The following PPP1R2 variants were observed in gnomAD, a reference collection of about 807,000 sequenced individuals.
The protein encoded by PPP1R2 is protein phosphatase inhibitor 2.
PPP1R2 carries 16 observed loss-of-function variants against 29.9 expected under a neutral mutation model. The ratio of observed to expected loss-of-function variants is 0.53; its 90% confidence interval spans 0.36 to 0.81. PPP1R2 has a LOEUF of 0.81. PPP1R2 is among the 30% of genes least tolerant of loss of function. PPP1R2 has a pLI of 0.00. For synonymous variants in PPP1R2, 76 were observed against 91.5 expected (o/e 0.83, Z 0.96); for missense variants, 197 against 252.7 (o/e 0.78, Z 1.49).
At chr3:195,523,896 A>G in intron 3 of PPP1R2, 110 bp from the exon 4 acceptor site, 1 of 901,566 alleles carries the variant, frequency 1.1e-6, no homozygotes, top group Non-Finnish European at 1.8e-6. Context: ...TTAATGTGCT[A>G]GCTATAACCT....
At chr3:195,542,647 C>T (rs965534895) in intron 1 of PPP1R2, among the ~76,000 whole-genome samples, 1 of 152,042 alleles carries the variant, frequency 6.6e-6, no homozygotes, top group African/African-American at 2.4e-5. Context: ...CTTTGATGTT[C>T]CCGATTACAG....
chr3:195,519,931 A>C (rs916148461), intron 4 of PPP1R2, among the ~76,000 whole-genome samples: 52 of 136,798 alleles, frequency 3.8e-4, no homozygotes, highest in African/African-American at 1.3e-3. Flanking sequence ...AAAAAAAAAA[A>C]ACAACAGAAA....
intron 4 of PPP1R2, among the ~76,000 whole-genome samples, chr3:195,520,659 A>T (rs1718721858): frequency 6.6e-6 from 1 of 152,102 alleles, no homozygotes; most frequent in Non-Finnish European, 1.5e-5. Flanking sequence ...TCTCTCAATA[A>T]GGGTATTTAC....
At chr3:195,516,997 C>T in intron 5 of PPP1R2, 55 bp from the exon 6 acceptor site, 5 of 1,424,172 alleles carry the variant, frequency 3.5e-6, no homozygotes, top group Non-Finnish European at 5.0e-6. Context: ...TCAACCCTGG[C>T]TAAAGTTCCC....
chr3:195,524,172 G>T (rs374851051), intron 3 of PPP1R2, among the ~76,000 whole-genome samples: 4 of 152,132 alleles, frequency 2.6e-5, no homozygotes, highest in African/African-American at 7.2e-5. Flanking sequence ...AGTAGCAAAG[G>T]AAGAGTGCTT....
chr3:195,523,904 C>T, intron 3 of PPP1R2, 118 bp from the exon 4 acceptor site: 1 of 852,316 alleles, frequency 1.2e-6, no homozygotes, highest in South Asian at 1.5e-5. Context: ...CTAGCTATAA[C>T]CTGATGAGGA....
intron 5 of PPP1R2, 110 bp downstream of exon 5, chr3:195,518,908 G>A (rs1244383935): frequency 8.0e-6 from 12 of 1,503,372 alleles, no homozygotes; most frequent in Non-Finnish European, 9.8e-6. Flanking sequence ...ATAATAAAGC[G>A]AATCTCAGCA....
intron 4 of PPP1R2, among the ~76,000 whole-genome samples, chr3:195,522,834 C>G (rs1718813736): frequency 6.6e-6 from 1 of 152,196 alleles, no homozygotes; most frequent in Admixed American, 6.5e-5. Context: ...CTTCACGGTA[C>G]AGGAGGTAGT....
intron 1 of PPP1R2, among the ~76,000 whole-genome samples, chr3:195,532,302 C>T (rs1719215945): frequency 6.7e-6 from 1 of 149,924 alleles, no homozygotes; most frequent in Admixed American, 6.7e-5. Flanking sequence ...TCCCCTGCCT[C>T]AGCCTCCCAA....
In PPP1R2 at chr3:195,516,935, AGTAGATCCTGC is replaced by A; in HGVS notation, c.572-4_578del. The A allele has an allele frequency of 6.2e-7, 1 of 1,612,414 alleles. No individual in the cohort carries two copies. The highest frequency in any genetic ancestry group is 8.5e-7 in the Non-Finnish European group (1 of 1,178,646). ...ATTTGTTTTGCTGTTGGTCACTTGG[AGTAGATCCTGC>A]AAAGATAAAAGAAAAAGTCAACATA... On this transcript the variant is annotated splice_acceptor_variant and splice_polypyrimidine_tract_variant and coding_sequence_variant and intron_variant, in exon 6 of 6. Transcript: ENST00000618156. LOFTEE classifies it high-confidence loss of function.
At chr3:195,535,928 T>C (rs1192545741) in intron 1 of PPP1R2, among the ~76,000 whole-genome samples, 1 of 152,148 alleles carries the variant, frequency 6.6e-6, no homozygotes, top group Non-Finnish European at 1.5e-5. Context: ...ATCGCCTTTA[T>C]CACCCAAGAC....
At chr3:195,521,314 C>CAAAAAAA (rs869228346) in intron 4 of PPP1R2, among the ~76,000 whole-genome samples, 12 of 56,642 alleles carry the variant, frequency 2.1e-4, no homozygotes, top group East Asian at 1.1e-3. Context: ...GACTCTGTCT[C>CAAAAAAA]AAAAAAAAAA....
intron 4 of PPP1R2, 42 bp from the exon 5 acceptor site, chr3:195,519,227 G>A (rs1718665968): frequency 2.1e-6 from 3 of 1,424,286 alleles, no homozygotes; most frequent in Non-Finnish European, 9.7e-7. Flanking sequence ...TTGAGCTCAA[G>A]GATTGGCCCA....
At chr3:195,524,590 G>C (rs1284449026) in intron 3 of PPP1R2, among the ~76,000 whole-genome samples, 2 of 152,094 alleles carry the variant, frequency 1.3e-5, no homozygotes, top group African/African-American at 4.8e-5. Flanking sequence ...AGGTACGCTG[G>C]TCTTCCTGCC....
At position 195,518,046 on chromosome 3, in the gene PPP1R2, G is replaced by A. The variant is rs75014571; in HGVS notation, c.571+972C>T. On this transcript the variant is annotated intron_variant, in intron 5 of 5. Transcript: ENST00000618156. Reference sequence around the variant, plus strand: ...GGGCACCACAAATAACATCAGTTACGCCTCCACTGAAAAGTATGAAGTTTG... The same window carrying A: ...GGGCACCACAAATAACATCAGTTACACCTCCACTGAAAAGTATGAAGTTTG... Among the ~76,000 whole-genome samples the A allele has an allele frequency of 9.5e-3, 1,444 of 152,180 alleles. 14 individuals carry two copies. Among genetic ancestry groups the A allele is most frequent in the Non-Finnish European group, 0.016 (1,112 of 68,004 alleles).
At chr3:195,540,703 T>A in intron 1 of PPP1R2, among the ~76,000 whole-genome samples, 1 of 152,278 alleles carries the variant, frequency 6.6e-6, no homozygotes, top group Middle Eastern at 3.4e-3. Context: ...AGACCTGAGC[T>A]GGCACGCTCA....
rs533757929 is a variant in PPP1R2, at chr3:195,537,348, T to C, written c.122+5556A>G. ...TGCTGTTTTAAAGAAAATTTGCTAGTGTAAGAGTCTGAATTAAAGTTTATT... is the reference window on the plus strand; with the variant it reads ...TGCTGTTTTAAAGAAAATTTGCTAGCGTAAGAGTCTGAATTAAAGTTTATT... On this transcript the variant is annotated intron_variant, in intron 1 of 5. Coordinates refer to ENST00000618156, the MANE Select transcript of PPP1R2 (RefSeq NM_006241.8). Among the ~76,000 whole-genome samples, 383 of 152,266 alleles carry C rather than the reference T, an allele frequency of 2.5e-3. 3 individuals carry two copies. The highest frequency in any genetic ancestry group is 8.9e-3 in the African/African-American group (371 of 41,544).
intron 4 of PPP1R2, among the ~76,000 whole-genome samples, chr3:195,522,235 G>A (rs1238179066): frequency 6.6e-6 from 1 of 152,138 alleles, no homozygotes; most frequent in African/African-American, 2.4e-5. Flanking sequence ...AATTAGCCAA[G>A]TGGCATACCT....
At chr3:195,517,092 T>G (rs568664185) in intron 5 of PPP1R2, 150 bp from the exon 6 acceptor site, 1 of 645,048 alleles carries the variant, frequency 1.6e-6, no homozygotes, top group East Asian at 2.7e-5. Flanking sequence ...AGACTGAAAT[T>G]GAAGAATCTA....
Sources: gnomAD v4.1 joint callset for allele counts (sites outside exome capture counted in the v4.1 genomes callset) on GRCh38, gnomAD v4.1.1 for gene constraint, MANE v1.5 for transcripts, NCBI Gene and HGNC (gene_info 2026-07-23, HGNC 2026-07-21) for gene names.